The following PKN2 variants were observed in gnomAD, a reference collection of about 807,000 sequenced individuals.
The protein encoded by PKN2 is protein kinase N2.
Under a neutral mutation model 119.1 loss-of-function variants are expected in PKN2, and 38 were observed. That is an observed-to-expected ratio of 0.32 (90% CI 0.25 to 0.42). PKN2 has a LOEUF of 0.42. Ranked by LOEUF, PKN2 falls within the 10% of genes least tolerant of loss-of-function variation. PKN2 has a pLI of 1.00. For synonymous variants in PKN2, 390 were observed against 384.9 expected (o/e 1.01, Z -0.15); for missense variants, 850 against 1,165.1 (o/e 0.73, Z 3.94).
At chr1:88,772,984 G>A (rs1669954581) in intron 6 of PKN2, among the ~76,000 whole-genome samples, 1 of 151,944 alleles carries the variant, frequency 6.6e-6, no homozygotes, top group Non-Finnish European at 1.5e-5. Context: ...GGGCTGTTTT[G>A]CTAGGTTCAT....
chr1:88,822,669 C>T (rs1456847331), intron 17 of PKN2, among the ~76,000 whole-genome samples: 2 of 150,954 alleles, frequency 1.3e-5, no homozygotes, highest in African/African-American at 2.4e-5. Flanking sequence ...ACCTCTGCCT[C>T]CTGGGTTCAA....
rs546190644 is a variant in PKN2, at chr1:88,796,643, AT to A, written c.1282-7742del. Among the ~76,000 whole-genome samples, 479 of 152,160 alleles carry A rather than the reference AT, an allele frequency of 3.1e-3. 3 individuals are homozygous for A. Among genetic ancestry groups the A allele is most frequent in the Non-Finnish European group, 3.9e-3 (266 of 68,010 alleles). On this transcript the variant is annotated intron_variant, in intron 8 of 21. Coordinates refer to ENST00000370521, the MANE Select transcript of PKN2 (RefSeq NM_006256.4). ...AAAACCCAATTTGAGCAATTATGAT[AT>A]TTTTTGATCTTCCTACTACCTTTCC...
At chr1:88,800,359 C>T (rs924947266) in intron 8 of PKN2, among the ~76,000 whole-genome samples, 5 of 152,168 alleles carry the variant, frequency 3.3e-5, no homozygotes, top group African/African-American at 1.2e-4. Flanking sequence ...TTACAATTAA[C>T]TAATGGGACA....
chr1:88,751,066 A>G (rs1570575902), intron 2 of PKN2, among the ~76,000 whole-genome samples: 1 of 152,208 alleles, frequency 6.6e-6, no homozygotes, highest in East Asian at 1.9e-4. Context: ...ATGCCTTTCA[A>G]ATGGTCTGGC....
intron 15 of PKN2, among the ~76,000 whole-genome samples, chr1:88,808,501 TCACCA>T (rs1336422376): frequency 1.3e-5 from 2 of 152,018 alleles, no homozygotes; most frequent in African/African-American, 4.8e-5. Context: ...AAATGGGGTT[TCACCA>T]TGTTAGCCAG....
intron 6 of PKN2, among the ~76,000 whole-genome samples, chr1:88,781,916 A>G (rs1570621956): frequency 1.3e-5 from 2 of 152,272 alleles, no homozygotes; most frequent in East Asian, 3.9e-4. Flanking sequence ...CAGTAAGATA[A>G]GATTTCCACA....
At chr1:88,748,714 C>G (rs542786492) in intron 2 of PKN2, among the ~76,000 whole-genome samples, 1 of 151,968 alleles carries the variant, frequency 6.6e-6, no homozygotes, top group Non-Finnish European at 1.5e-5. Context: ...GTGGGGGGAT[C>G]GTTTGAGCTC....
Position 88,787,130 on chromosome 1 carries a change from G to A in PKN2, c.1281+917G>A, listed in dbSNP as rs574987184. ...TATATGTAAAATACCTTGCATTGCC[G>A]GTACATTTAAGCCATTCAGGGATAT... On this transcript the variant is annotated intron_variant, in intron 8 of 21. Coordinates refer to ENST00000370521, the MANE Select transcript of PKN2 (RefSeq NM_006256.4). 6.6e-5 allele frequency among the ~76,000 whole-genome samples: 10 copies of A among 151,890 alleles called. No individual in the cohort carries two copies. The East Asian group carries it at 7.8e-4, about 12-fold the overall frequency.
At chr1:88,810,955 A>G (rs762532266) in intron 15 of PKN2, among the ~76,000 whole-genome samples, 34 of 152,154 alleles carry the variant, frequency 2.2e-4, no homozygotes, top group Non-Finnish European at 2.1e-4. Flanking sequence ...TTTTCTTTCT[A>G]TAGTCTGTAT....
intron 8 of PKN2, among the ~76,000 whole-genome samples, chr1:88,796,732 A>G (rs1671084786): frequency 6.6e-6 from 1 of 152,158 alleles, no homozygotes; most frequent in South Asian, 2.1e-4. Context: ...ATGCCACTGT[A>G]TTGCCAGTAT....
chr1:88,685,400 C>T (rs1021316312), intron 1 of PKN2, among the ~76,000 whole-genome samples: 1 of 152,070 alleles, frequency 6.6e-6, no homozygotes, highest in South Asian at 2.1e-4. Flanking sequence ...AAGTTGTTTA[C>T]TAATGAGAAA....
chr1:88,833,631 G>A lies in PKN2; in HGVS notation c.*183G>A, dbSNP rs1031404485. The stretch of plus-strand genomic sequence containing the variant: ...ACTTCTTCAAAAGTGGCTCCTCATT[G>A]TACTTCAGCGTAAATATGAGCACTG... On this transcript the variant is annotated 3_prime_UTR_variant, in exon 22 of 22. Coordinates refer to ENST00000370521, the MANE Select transcript of PKN2 (RefSeq NM_006256.4). 3.5e-6 allele frequency: 2 copies of A among 573,756 alleles called. No individual in the cohort carries two copies. The highest frequency in any genetic ancestry group is 6.2e-6 in the Non-Finnish European group (2 of 325,016). The allele number at this position is 573,756 out of a possible 1,614,324, so 35.5% of individuals were successfully genotyped here.
chr1:88,760,448 A>G lies in PKN2; in HGVS notation c.504+72A>G, dbSNP rs568008088. 4.6e-5 allele frequency: 39 copies of G among 847,580 alleles called. No individual in the cohort carries two copies. The African/African-American group carries it at 5.7e-4, about 12-fold the overall frequency. The allele number at this position is 847,580 out of a possible 1,614,324, so 52.5% of individuals were successfully genotyped here. A position where few individuals can be genotyped will look rare whatever the true frequency, so the allele number is the denominator to read the frequency against. ...AGATTCCATAGTTATAAATTTACCT[A>G]TTCAATAAAATTTATTAGTAACTCC... On this transcript the variant is annotated intron_variant, in intron 3 of 21. Transcript: ENST00000370521.
chr1:88,802,410 C>T (rs1411481139), intron 8 of PKN2, among the ~76,000 whole-genome samples: 1 of 151,932 alleles, frequency 6.6e-6, no homozygotes, highest in African/African-American at 2.4e-5. Flanking sequence ...ACTGCAACCT[C>T]CACCTCCTGG....
intron 15 of PKN2, among the ~76,000 whole-genome samples, chr1:88,809,051 C>T (rs1671677055): frequency 6.6e-6 from 1 of 152,020 alleles, no homozygotes. Flanking sequence ...ATGGGTAGTT[C>T]TTAGAATAAG....
At position 88,715,294 on chromosome 1, in the gene PKN2, G is replaced by A. The variant is rs1667401812; in HGVS notation, c.49-25694G>A. ...ATGCTGGCCTCATAAAATGAGTTAG[G>A]GAGGGTTCCCTCTTTTTCTATTGAT... On this transcript the variant is annotated intron_variant, in intron 1 of 21. Coordinates refer to ENST00000370521, the MANE Select transcript of PKN2 (RefSeq NM_006256.4). Among the ~76,000 whole-genome samples the A allele has an allele frequency of 2.0e-5, 3 of 152,134 alleles. No individual in the cohort carries two copies. In the South Asian group the frequency reaches 6.2e-4, roughly 32 times the overall value.
intron 1 of PKN2, among the ~76,000 whole-genome samples, chr1:88,712,068 G>A (rs917004107): frequency 2.6e-5 from 4 of 151,850 alleles, no homozygotes; most frequent in African/African-American, 9.7e-5. Flanking sequence ...ATACATTATT[G>A]GTTTAAAAAA....
intron 3 of PKN2, among the ~76,000 whole-genome samples, chr1:88,761,935 A>T (rs1345492103): frequency 6.6e-6 from 1 of 152,042 alleles, no homozygotes; most frequent in Non-Finnish European, 1.5e-5. Context: ...TTAAGTAAAT[A>T]CTTTGTTCCT....
At chr1:88,708,617 CTTTTTTTTT>C (rs769170898) in intron 1 of PKN2, among the ~76,000 whole-genome samples, 2 of 118,484 alleles carry the variant, frequency 1.7e-5, no homozygotes, top group African/African-American at 3.1e-5. Context: ...ACACATAAAA[CTTTTTTTTT>C]TTTTTTTTTT....
Sources: allele counts gnomAD v4.1 joint callset (sites outside exome capture counted in the v4.1 genomes callset), GRCh38; gene constraint gnomAD v4.1.1; transcripts MANE v1.5; gene names NCBI Gene and HGNC (gene_info 2026-07-23, HGNC 2026-07-21).